The following HCK variants were observed in gnomAD, a reference collection of about 807,000 sequenced individuals.
The protein encoded by HCK is HCK proto-oncogene, Src family tyrosine kinase.
A neutral mutation model predicts 70.4 loss-of-function variants in HCK; 40 were observed. The observed-to-expected ratio is 0.57, with a 90% CI of 0.44 to 0.74. HCK has a LOEUF of 0.74. HCK is among the 30% of genes least tolerant of loss of function. HCK has a pLI of 0.00. For missense variants in HCK, 568 were observed against 697.2 expected, an observed-to-expected ratio of 0.81 and a Z score of 2.09; for synonymous variants, 245 against 263.2, an observed-to-expected ratio of 0.93 and a Z score of 0.67.
intron 9 of HCK, among the ~76,000 whole-genome samples, chr20:32,087,613 T>C (rs997550210): frequency 1.3e-5 from 2 of 151,688 alleles, no homozygotes; most frequent in Non-Finnish European, 2.9e-5. Flanking sequence ...ACTACAGGCA[T>C]GCACTACCAC....
chr20:32,093,476 A>G (rs2045890601), intron 10 of HCK, among the ~76,000 whole-genome samples: 1 of 144,474 alleles, frequency 6.9e-6, no homozygotes, highest in African/African-American at 2.5e-5. Context: ...AGCTCTTCAT[A>G]GTATCCTAGG....
chr20:32,089,649 C>A (rs1213359365), intron 10 of HCK, among the ~76,000 whole-genome samples: 1 of 152,202 alleles, frequency 6.6e-6, no homozygotes, highest in Non-Finnish European at 1.5e-5. Flanking sequence ...ACGCCCCTTG[C>A]AGCTCCTCTC....
intron 11 of HCK, among the ~76,000 whole-genome samples, chr20:32,097,570 G>T (rs925191276): frequency 7.2e-5 from 11 of 152,134 alleles, no homozygotes; most frequent in Non-Finnish European, 1.2e-4. Context: ...AACAGAGCGA[G>T]ACCCTGTCTC....
intron 1 of HCK, among the ~76,000 whole-genome samples, chr20:32,055,114 G>A (rs1317174886): frequency 6.6e-6 from 1 of 152,176 alleles, no homozygotes; most frequent in South Asian, 2.1e-4. Context: ...TGTACAGGTG[G>A]TTCTTGAGGA....
At chr20:32,088,545 T>C in intron 9 of HCK, 23 bp from the exon 10 acceptor site, 2 of 1,591,424 alleles carry the variant, frequency 1.3e-6, no homozygotes, top group African/African-American at 1.3e-5. Context: ...GTAGTAAATG[T>C]TCCTCCCCTC....
At chr20:32,068,802 G>A (rs2045497300) in intron 1 of HCK, among the ~76,000 whole-genome samples, 1 of 151,818 alleles carries the variant, frequency 6.6e-6, no homozygotes, top group South Asian at 2.1e-4. Context: ...AGATTAGCCA[G>A]GCATGGTAGT....
chr20:32,101,471 G>T lies in HCK; in HGVS notation c.1533G>T (p.Leu511=), dbSNP rs2046034155. The change falls in exon 13 of 13, where the codon CTG becomes CTT. Residue 511 remains leucine (L), a synonymous_variant. Transcript: ENST00000375852. ...CCTTCGAATACATCCAGAGTGTGCT[G>T]GATGACTTCTACACGGCCACAGAGA... The T allele has an allele frequency of 6.2e-7, 1 of 1,613,962 alleles. No individual in the cohort carries two copies. The highest frequency in any genetic ancestry group is 1.3e-5 in the African/African-American group (1 of 75,026).
chr20:32,052,639 G>A (rs1439853402), intron 1 of HCK, among the ~76,000 whole-genome samples, 153 bp downstream of exon 1: 3 of 152,118 alleles, frequency 2.0e-5, no homozygotes, highest in African/African-American at 7.2e-5. Context: ...GTAGCCCGGG[G>A]GATGAGGGGT....
chr20:32,093,811 A>AGG (rs2045897006), intron 10 of HCK, 52 bp from the exon 11 acceptor site: 3 of 1,549,016 alleles, frequency 1.9e-6, no homozygotes, highest in African/African-American at 2.8e-5. Flanking sequence ...GGGTGGGGCC[A>AGG]TCTTGGCGTA....
intron 8 of HCK, among the ~76,000 whole-genome samples, chr20:32,085,701 T>C (rs2122583054): frequency 6.6e-6 from 1 of 152,042 alleles, no homozygotes; most frequent in African/African-American, 2.4e-5. Context: ...ACCCAAGCAA[T>C]TATAAAATTG....
At chr20:32,061,326 C>T (rs556398571) in intron 1 of HCK, among the ~76,000 whole-genome samples, 12 of 152,308 alleles carry the variant, frequency 7.9e-5, no homozygotes, top group African/African-American at 2.9e-4. Context: ...TTAAGGAGCC[C>T]TTGGCCAAAG....
chr20:32,094,487 C>T (rs1298239253), intron 11 of HCK, among the ~76,000 whole-genome samples: 2 of 151,906 alleles, frequency 1.3e-5, no homozygotes, highest in Non-Finnish European at 2.9e-5. Flanking sequence ...CAAGACCAGC[C>T]TGGGCAACAC....
At chr20:32,082,098 C>A (rs2045715882) in intron 6 of HCK, among the ~76,000 whole-genome samples, 1 of 152,180 alleles carries the variant, frequency 6.6e-6, no homozygotes, top group South Asian at 2.1e-4. Flanking sequence ...CCCAGCTGTG[C>A]CACTTACCAG....
At chr20:32,061,252 G>A (rs2045370378) in intron 1 of HCK, among the ~76,000 whole-genome samples, 1 of 152,340 alleles carries the variant, frequency 6.6e-6, no homozygotes, top group Admixed American at 6.5e-5. Context: ...AAAGTGCTGG[G>A]ATTACAGGCG....
chr20:32,094,116 G>T, intron 11 of HCK, 100 bp downstream of exon 11: 1 of 1,109,918 alleles, frequency 9.0e-7, no homozygotes, highest in Non-Finnish European at 1.3e-6. Context: ...GCAAGGGACT[G>T]CCCCAGTACT....
In HCK at chr20:32,099,350, C is replaced by CTTTTTTTTTTTTT. The variant is rs71336559; in HGVS notation, c.1378+228_1378+240dup. On this transcript the variant is annotated intron_variant, in intron 12 of 12. Transcript: ENST00000375852. ...CCTTCCTTCTCTCTCACTCCTATGACTTTTTTTTTTTTTTTTTTTTTTTTT... is the reference window on the plus strand; with the variant it reads ...CCTTCCTTCTCTCTCACTCCTATGACTTTTTTTTTTTTTTTTTTTTTTTTTTTTTTTTTTTTTT... 8.7e-4 allele frequency among the ~76,000 whole-genome samples: 74 copies of CTTTTTTTTTTTTT among 85,174 alleles called. 2 individuals carry two copies. The highest frequency in any genetic ancestry group is 4.4e-3 in the African/African-American group (69 of 15,518). The allele number at this position is 85,174 out of a possible 152,430, so 55.9% of individuals were successfully genotyped here. A position where few individuals can be genotyped will look rare whatever the true frequency, so the allele number is the denominator to read the frequency against.
At chr20:32,079,675 G>C (rs2045679775) in intron 5 of HCK, 99 bp from the exon 6 acceptor site, 1 of 757,368 alleles carries the variant, frequency 1.3e-6, no homozygotes, top group Admixed American at 2.1e-5. Context: ...TCTGTATCCT[G>C]ACATTCCCCT....
chr20:32,058,851 T>A (rs1391952394), intron 1 of HCK, among the ~76,000 whole-genome samples: 1 of 152,186 alleles, frequency 6.6e-6, no homozygotes, highest in East Asian at 1.9e-4. Context: ...TCAATCCCAC[T>A]GAGGAGCTCT....
intron 10 of HCK, among the ~76,000 whole-genome samples, chr20:32,090,815 G>A (rs2045854716): frequency 6.6e-6 from 1 of 152,190 alleles, no homozygotes; most frequent in South Asian, 2.1e-4. Context: ...TAGCATCTGG[G>A]CTTAGGAGTC....
Sources: allele counts gnomAD v4.1 joint callset (sites outside exome capture counted in the v4.1 genomes callset), GRCh38; gene constraint gnomAD v4.1.1; transcripts MANE v1.5; gene names NCBI Gene and HGNC (gene_info 2026-07-23, HGNC 2026-07-21).